ANK3: variants seen among roughly 807,000 people sequenced by gnomAD.
ANK3 encodes the protein ankyrin-3.
Under a neutral mutation model 370.9 loss-of-function variants are expected in ANK3, and 57 were observed. The ratio of observed to expected loss-of-function variants is 0.15; its 90% CI spans 0.12 to 0.19. ANK3 has a LOEUF of 0.19. Ranked by LOEUF, ANK3 falls within the 10% of genes least tolerant of loss-of-function variation. ANK3 has a pLI of 1.00. For synonymous variants in ANK3, 1,929 were observed against 1,946.3 expected, an observed-to-expected ratio of 0.99 and a Z score of 0.23; for missense variants, 4,439 against 5,302.1, an observed-to-expected ratio of 0.84 and a Z score of 5.06.
intron 8 of ANK3, among the ~76,000 whole-genome samples, chr10:60,231,285 A>AGG (rs2097239889): frequency 1.3e-5 from 2 of 152,210 alleles, no homozygotes; most frequent in Admixed American, 1.3e-4. Flanking sequence ...GAGCTCTAAG[A>AGG]ATCTTCTTTT....
At position 60,676,669 on chromosome 10, in the gene ANK3, G is replaced by A. The variant is rs528936842; in HGVS notation, c.57+56594C>T. 5.9e-5 allele frequency among the ~76,000 whole-genome samples: 9 copies of A among 152,204 alleles called. No homozygotes were observed. The South Asian group carries it at 1.7e-3, about 28-fold the overall frequency. On this transcript the variant is annotated intron_variant, in intron 1 of 43. Transcript: ENST00000373827. ...TGTTGAAAAGCATTAACTAGAGGGG[G>A]TACAAAATATTAGGAACTAAAGATG...
At chr10:60,449,285 C>T (rs181645112) in intron 2 of ANK3, among the ~76,000 whole-genome samples, 16 of 152,112 alleles carry the variant, frequency 1.1e-4, no homozygotes, top group Admixed American at 7.2e-4. Flanking sequence ...TTATTTAGCC[C>T]GATATATCCA....
intron 2 of ANK3, among the ~76,000 whole-genome samples, chr10:60,444,393 T>C (rs962898725): frequency 2.7e-5 from 4 of 150,384 alleles, no homozygotes; most frequent in Non-Finnish European, 4.4e-5. Flanking sequence ...ATATAACATA[T>C]ATAATACATA....
chr10:60,067,864 T>C (rs2131959449), intron 38 of ANK3, 71 bp downstream of exon 38: 2 of 1,271,132 alleles, frequency 1.6e-6, no homozygotes, highest in South Asian at 1.4e-5. Flanking sequence ...AATATATATA[T>C]TGAACTGCTT....
At chr10:60,088,019 G>A in intron 29 of ANK3, 128 bp downstream of exon 29, 1 of 732,020 alleles carries the variant, frequency 1.4e-6, no homozygotes. Context: ...TCTGAAATAG[G>A]TAAATGATTC....
At chr10:60,729,627 A>C (rs1274530414) in intron 1 of ANK3, among the ~76,000 whole-genome samples, 3 of 152,194 alleles carry the variant, frequency 2.0e-5, no homozygotes, top group Non-Finnish European at 2.9e-5. Context: ...TGATCAAAAA[A>C]CACCACAATA....
At position 60,132,620 on chromosome 10, in the gene ANK3, C is replaced by G. The variant is rs375284882; in HGVS notation, c.2841+1651G>C. ...ACAGACTAATACATGCACCTATAAT[C>G]AATTTTTTTTTTTTTTGACAGAGTC... On this transcript the variant is annotated intron_variant, in intron 25 of 43. Transcript: ENST00000280772. 2.1e-5 allele frequency among the ~76,000 whole-genome samples: 3 copies of G among 143,404 alleles called. No individual in the cohort carries two copies. The South Asian group carries it at 6.8e-4, about 33-fold the overall frequency. 94.1% of individuals were successfully genotyped at this position (143,404 alleles called of 152,430 possible). A position where few individuals can be genotyped will look rare whatever the true frequency, so the allele number is the denominator to read the frequency against.
intron 16 of ANK3, among the ~76,000 whole-genome samples, chr10:60,187,314 C>A (rs911210322): frequency 1.3e-5 from 2 of 151,870 alleles, no homozygotes; most frequent in Admixed American, 6.6e-5. Flanking sequence ...TGCCACCATG[C>A]CCGGCTAATT....
intron 2 of ANK3, among the ~76,000 whole-genome samples, chr10:60,405,843 A>T (rs1256153460): frequency 3.3e-5 from 5 of 152,208 alleles, no homozygotes; most frequent in Non-Finnish European, 7.3e-5. Flanking sequence ...ATCTAAGGGC[A>T]GGTATGTGGG....
chr10:60,452,041 TG>T (rs1252542013), intron 2 of ANK3, among the ~76,000 whole-genome samples: 1 of 152,356 alleles, frequency 6.6e-6, no homozygotes, highest in Non-Finnish European at 1.5e-5. Flanking sequence ...CTTCACCTTC[TG>T]GGGGGAATAA....
At chr10:60,208,318 A>G in intron 9 of ANK3, 85 bp from the exon 10 acceptor site, 1 of 1,201,020 alleles carries the variant, frequency 8.3e-7, no homozygotes, top group Admixed American at 2.0e-5. Context: ...ATAAACAGAT[A>G]AAAACTCCAG....
intron 1 of ANK3, among the ~76,000 whole-genome samples, chr10:60,303,532 A>T (rs1166315148): frequency 6.6e-6 from 1 of 152,172 alleles, no homozygotes; most frequent in Non-Finnish European, 1.5e-5. Context: ...TCAAAACCAC[A>T]ATGAGCTATG....
At chr10:60,151,585 GA>G (rs11330837) in intron 23 of ANK3, among the ~76,000 whole-genome samples, 50,343 of 149,922 alleles carry the variant, frequency 0.34, 8,486 homozygotes, top group African/African-American at 0.37. Flanking sequence ...CAATGCAGAG[GA>G]AAAAAAAAAG....
At chr10:60,060,020 T>A in intron 40 of ANK3, 1 of 1,552,034 alleles carries the variant, frequency 6.4e-7, no homozygotes, top group Non-Finnish European at 8.7e-7. Context: ...TGGAAGACAG[T>A]ACATTTGGAC....
Position 60,220,179 on chromosome 10 carries a change from C to G in ANK3, c.898-6669G>C, listed in dbSNP as rs143997463. 2.4e-3 allele frequency among the ~76,000 whole-genome samples: 367 copies of G among 152,192 alleles called. 1 individual carries two copies. Among genetic ancestry groups the G allele is most frequent in the African/African-American group, 8.5e-3 (352 of 41,478 alleles). On this transcript the variant is annotated intron_variant, in intron 8 of 43. Coordinates refer to ENST00000280772, the MANE Select transcript of ANK3 (RefSeq NM_020987.5). The stretch of plus-strand genomic sequence containing the variant: ...CCACCTACACAAAAAACATTTCATA[C>G]AGACTGCAGTACAGTGATTTTTTTT...
rs535071466 is a variant in ANK3 at position 60,218,037 on chromosome 10, T to C, written c.898-4527A>G. Among the ~76,000 whole-genome samples the C allele has an allele frequency of 2.0e-5, 3 of 152,224 alleles. No homozygotes were observed. In the South Asian group the frequency reaches 6.2e-4, roughly 32 times the overall value. ...CTTCTTTTTCTTTTTGGACCTTTGT[T>C]GATTTAAAGTCTGTTTTGTCAGAGA... On this transcript the variant is annotated intron_variant, in intron 8 of 43. Transcript: ENST00000280772.
chr10:60,153,935 A>G (rs2095243543), intron 23 of ANK3, among the ~76,000 whole-genome samples: 1 of 152,182 alleles, frequency 6.6e-6, no homozygotes, highest in Non-Finnish European at 1.5e-5. Context: ...AACCTGCTAA[A>G]CTATCCCTTG....
chr10:60,296,809 T>C (rs1234800500), intron 1 of ANK3, among the ~76,000 whole-genome samples: 1 of 152,004 alleles, frequency 6.6e-6, no homozygotes, highest in Non-Finnish European at 1.5e-5. Context: ...GGGCCCTGTC[T>C]CTACAAAAAA....
At chr10:60,639,599 T>C (rs1244070369) in intron 1 of ANK3, among the ~76,000 whole-genome samples, 1 of 151,826 alleles carries the variant, frequency 6.6e-6, no homozygotes, top group African/African-American at 2.4e-5. Context: ...AGAAGTACAC[T>C]GTTGTAAGAT....
Sources: gnomAD v4.1 joint callset for allele counts (sites outside exome capture counted in the v4.1 genomes callset) on GRCh38, gnomAD v4.1.1 for gene constraint, MANE v1.5 for transcripts, NCBI Gene and HGNC (gene_info 2026-07-23, HGNC 2026-07-21) for gene names.